Variants in TEKT3 observed in about 807,000 individuals in gnomAD.
TEKT3 encodes the protein tektin-3.
TEKT3 carries 49 observed loss-of-function variants against 49.8 expected under a neutral mutation model. The observed-to-expected ratio is 0.98, with a 90% CI of 0.78 to 1.25. The LOEUF (loss-of-function observed/expected upper bound fraction) is 1.25, where lower values mean the gene tolerates loss of function less well. Among genes scored for constraint, TEKT3 ranks in the 50% most tolerant of loss-of-function variants. The pLI, the probability that TEKT3 is intolerant of heterozygous loss-of-function variation, is 0.00. For missense variants in TEKT3, 595 were observed against 629.5 expected (o/e 0.95, Z 0.59); for synonymous variants, 225 against 237.2 (o/e 0.95, Z 0.47).
chr17:15,321,775 GCA>G (rs1911274163), intron 4 of TEKT3, among the ~76,000 whole-genome samples: 2 of 152,212 alleles, frequency 1.3e-5, no homozygotes, highest in African/African-American at 4.8e-5. Context: ...TGATTAAAAT[GCA>G]GTTTCATCTG....
intron 5 of TEKT3, among the ~76,000 whole-genome samples, chr17:15,317,467 A>G (rs983102394): frequency 3.3e-5 from 5 of 151,704 alleles, no homozygotes; most frequent in African/African-American, 1.2e-4. Context: ...ATCCTTAACT[A>G]CTCTTTTGCT....
chr17:15,313,057 C>A (rs1035783650), intron 6 of TEKT3, among the ~76,000 whole-genome samples: 1 of 152,086 alleles, frequency 6.6e-6, no homozygotes, highest in Admixed American at 6.6e-5. Flanking sequence ...TATAAGGAAA[C>A]AATGTACCCA....
chr17:15,310,363 C>T (rs984542369), intron 7 of TEKT3, among the ~76,000 whole-genome samples: 4 of 152,032 alleles, frequency 2.6e-5, no homozygotes, highest in Admixed American at 6.6e-5. Context: ...TGTTGAAGTA[C>T]GAATCGCCAG....
intron 2 of TEKT3, among the ~76,000 whole-genome samples, chr17:15,336,794 A>G (rs957208048): frequency 9.2e-5 from 14 of 152,310 alleles, no homozygotes; most frequent in Admixed American, 7.8e-4. Context: ...AAACTTTAGA[A>G]TAGCCAGTTC....
At chr17:15,307,623 G>A (rs1910605753) in intron 8 of TEKT3, among the ~76,000 whole-genome samples, 1 of 152,116 alleles carries the variant, frequency 6.6e-6, no homozygotes, top group African/African-American at 2.4e-5. Flanking sequence ...GAAATCCACT[G>A]TCTCAAACCA....
chr17:15,342,907 G>A (rs1030252355), upstream of TEKT3, among the ~76,000 whole-genome samples: 15 of 151,978 alleles, frequency 9.9e-5, no homozygotes, highest in Admixed American at 8.5e-4. Flanking sequence ...TTCTACATTC[G>A]GCCTAAGAAA....
At chr17:15,307,030 A>G (rs969236821) in intron 8 of TEKT3, 1 of 152,232 alleles carries the variant, frequency 6.6e-6, no homozygotes, top group African/African-American at 2.4e-5. Context: ...CCTAGATAAC[A>G]GCTCCACCAG....
rs141952830 is a variant in TEKT3, at chr17:15,331,245, C to T, written c.341G>A (p.Arg114Gln). The change falls in exon 3 of 9, where the codon CGA (arginine) becomes CAA (glutamine). Residue 114 changes from arginine to glutamine, a missense_variant. Physicochemically the swap from Arg to Gln is conservative, Grantham distance 43. Coordinates refer to ENST00000395930, the MANE Select transcript of TEKT3 (RefSeq NM_031898.3). ...LTNYQESNTS[R>Q]HNSEKLRVDT... ...CACTCTTAGTTTCTCCGAATTATGT[C>T]GGGAAGTGTTGGACTCTTGATAGTT... 6.7e-5 allele frequency: 108 copies of T among 1,614,012 alleles called. 1 individual carries two copies. The highest frequency in any genetic ancestry group is 7.3e-5 in the Non-Finnish European group (86 of 1,180,038).
chr17:15,337,798 G>A (rs1912051333), intron 2 of TEKT3, among the ~76,000 whole-genome samples: 1 of 152,142 alleles, frequency 6.6e-6, no homozygotes, highest in Non-Finnish European at 1.5e-5. Flanking sequence ...CCGAGATCAT[G>A]CCACTGCACT....
chr17:15,319,657 C>T (rs924943434), intron 4 of TEKT3, among the ~76,000 whole-genome samples: 2 of 152,164 alleles, frequency 1.3e-5, no homozygotes, highest in East Asian at 3.9e-4. Flanking sequence ...GGTCGCCCTC[C>T]GGTCCTGCTT....
Position 15,331,528 on chromosome 17 carries a change from T to C in TEKT3, c.58A>G (p.Thr20Ala), listed in dbSNP as rs144150048. Residue 20 changes from threonine (T) to alanine (A), a missense_variant, in exon 3 of 9, where the codon ACC (threonine) becomes GCC (alanine). Transcript: ENST00000395930. ...GTACTGATGGCTGGTAGAAAGTTGGTTGGTGTTGGTCTAGGGTGGGCGTAA... is the reference window on the plus strand; with the variant it reads ...GTACTGATGGCTGGTAGAAAGTTGGCTGGTGTTGGTCTAGGGTGGGCGTAA... ...TTYAHPRPTP[T>A]NFLPAISTMA... 5.0e-6 allele frequency: 8 copies of C among 1,614,124 alleles called. No homozygotes were observed. Among genetic ancestry groups the C allele is most frequent in the Middle Eastern group, 1.6e-4 (1 of 6,062 alleles).
intron 5 of TEKT3, among the ~76,000 whole-genome samples, chr17:15,314,765 C>T (rs1386110351): frequency 2.0e-5 from 3 of 152,120 alleles, no homozygotes; most frequent in South Asian, 2.1e-4. Flanking sequence ...AAGAAGTTTG[C>T]CAGGAGATAA....
intron 5 of TEKT3, among the ~76,000 whole-genome samples, chr17:15,318,211 G>C (rs770154693): frequency 4.1e-4 from 62 of 151,792 alleles, no homozygotes; most frequent in African/African-American, 1.5e-3. Flanking sequence ...GGATGGTCTC[G>C]ATCTCCTGAC....
At chr17:15,341,467 G>C (rs867906810) in intron 1 of TEKT3, 51 bp downstream of exon 1, 3 of 152,278 alleles carry the variant, frequency 2.0e-5, no homozygotes, top group African/African-American at 7.2e-5. Context: ...GGCGAAGGGG[G>C]ATCCTTTGGG....
intron 3 of TEKT3, among the ~76,000 whole-genome samples, chr17:15,329,755 CTT>C (rs1457946912): frequency 2.0e-5 from 3 of 152,212 alleles, no homozygotes; most frequent in African/African-American, 7.2e-5. Flanking sequence ...GCTCACCAGA[CTT>C]TCAGCTCCTT....
At chr17:15,343,265 G>T (rs1912287655), upstream of TEKT3, among the ~76,000 whole-genome samples, 1 of 152,156 alleles carries the variant, frequency 6.6e-6, no homozygotes, top group African/African-American at 2.4e-5. Flanking sequence ...TTGAGTCAGT[G>T]AATTTCAAAA....
chr17:15,329,176 G>C (rs1436512159), intron 3 of TEKT3, among the ~76,000 whole-genome samples: 2 of 152,108 alleles, frequency 1.3e-5, no homozygotes, highest in Non-Finnish European at 2.9e-5. Context: ...ATAGGCCAAA[G>C]GTAGTTATTT....
At chr17:15,311,664 AC>A (rs1396244243) in intron 7 of TEKT3, among the ~76,000 whole-genome samples, 1 of 152,234 alleles carries the variant, frequency 6.6e-6, no homozygotes, top group African/African-American at 2.4e-5. Flanking sequence ...ATAAGACACA[AC>A]AAACTATATG....
At position 15,331,358 on chromosome 17, in the gene TEKT3, G is replaced by T; in HGVS notation, c.228C>A (p.Ser76=). The change falls in exon 3 of 9, where the codon TCC becomes TCA. Residue 76 remains serine (S), a synonymous_variant. Transcript: ENST00000395930. The stretch of plus-strand genomic sequence containing the variant: ...AAACAAAGGGAAGCATGGTATTCTC[G>T]GACACCCTCTGTGATCTGGTGCAGT... ...APYCTRSQRV[S]ENTMLPFVSN... 1 of 1,614,154 alleles carries T rather than the reference G, an allele frequency of 6.2e-7. No homozygotes were observed. The highest frequency in any genetic ancestry group is 8.5e-7 in the Non-Finnish European group (1 of 1,180,042).
Sources: gnomAD v4.1 joint callset for allele counts (sites outside exome capture counted in the v4.1 genomes callset) on GRCh38, gnomAD v4.1.1 for gene constraint, MANE v1.5 for transcripts, NCBI Gene and HGNC (gene_info 2026-07-23, HGNC 2026-07-21) for gene names.